CACNA1C: variants seen among roughly 807,000 people sequenced by gnomAD.
CACNA1C encodes the protein voltage-dependent L-type calcium channel subunit alpha-1C.
Under a neutral mutation model 229.0 loss-of-function variants are expected in CACNA1C, and 30 were observed. The observed-to-expected ratio is 0.13, with a 90% confidence interval of 0.10 to 0.18. The LOEUF (loss-of-function observed/expected upper bound fraction) is 0.18, where lower values mean the gene tolerates loss of function less well. Ranked by LOEUF, CACNA1C falls within the 10% of genes least tolerant of loss-of-function variation. The probability of loss-of-function intolerance (pLI) is 1.00; values close to 1 mark genes in which losing one functional copy is unlikely to be tolerated. For synonymous variants in CACNA1C, 1,114 were observed against 1,132.5 expected, an observed-to-expected ratio of 0.98 and a Z score of 0.33; for missense variants, 1,658 against 2,845.0, an observed-to-expected ratio of 0.58 and a Z score of 9.49.
intron 5 of CACNA1C, among the ~76,000 whole-genome samples, chr12:2,461,962 T>C (rs2099508621): frequency 6.6e-6 from 1 of 152,156 alleles, no homozygotes; most frequent in Admixed American, 6.5e-5. Context: ...AGTCGGATCA[T>C]GTTCCTGCCC....
chr12:2,332,182 G>A (rs985597980), intron 3 of CACNA1C, among the ~76,000 whole-genome samples: 2 of 152,184 alleles, frequency 1.3e-5, no homozygotes, highest in South Asian at 2.1e-4. Flanking sequence ...GTGTGTTTAT[G>A]TATGTGTATG....
intron 7 of CACNA1C, among the ~76,000 whole-genome samples, chr12:2,499,096 G>A (rs920157682): frequency 6.6e-6 from 1 of 152,178 alleles, no homozygotes; most frequent in African/African-American, 2.4e-5. Context: ...CAGGGGTGGG[G>A]AGCAGCCAGG....
intron 3 of CACNA1C, among the ~76,000 whole-genome samples, chr12:2,194,380 T>C (rs7308351): frequency 0.34 from 49,277 of 145,556 alleles, 8,784 homozygotes; most frequent in South Asian, 0.4. Context: ...CCCCTTCCCC[T>C]TCCTGCTCCC....
At chr12:2,537,899 G>A (rs987255426) in intron 9 of CACNA1C, among the ~76,000 whole-genome samples, 5 of 152,032 alleles carry the variant, frequency 3.3e-5, no homozygotes, top group Non-Finnish European at 7.4e-5. Context: ...GTGGGGTGGG[G>A]GTGGGAGAGG....
chr12:2,435,598 C>T (rs1370030089), intron 3 of CACNA1C, among the ~76,000 whole-genome samples: 2 of 152,158 alleles, frequency 1.3e-5, no homozygotes, highest in Admixed American at 6.5e-5. Flanking sequence ...GGAGTTGCAC[C>T]CCGAGTGCTG....
chr12:2,481,020 A>C (rs1170020104), intron 5 of CACNA1C, among the ~76,000 whole-genome samples: 2 of 152,214 alleles, frequency 1.3e-5, no homozygotes, highest in South Asian at 2.1e-4. Flanking sequence ...TTACATGAAA[A>C]GAATAGAGTC....
chr12:2,344,519 T>A (rs2096953496), intron 3 of CACNA1C, among the ~76,000 whole-genome samples: 1 of 152,178 alleles, frequency 6.6e-6, no homozygotes, highest in Non-Finnish European at 1.5e-5. Context: ...AAAACATTTA[T>A]GTTCAACTGC....
Position 2,511,934 on chromosome 12 carries a change from A to C in CACNA1C, c.1218-878A>C, listed in dbSNP as rs977503033. The stretch of plus-strand genomic sequence containing the variant: ...ATCATTTAACTTTTATATCATCTTG[A>C]TTTTATGTATTTTTCTATTCTGATT... On this transcript the variant is annotated intron_variant, in intron 8 of 46. Transcript: ENST00000399655. Among the ~76,000 whole-genome samples the C allele has an allele frequency of 9.2e-5, 14 of 151,996 alleles. 1 individual carries two copies. Among genetic ancestry groups the C allele is most frequent in the African/African-American group, 3.1e-4 (13 of 41,386 alleles).
chr12:2,065,109 G>T (rs1250082526), intron 1 of CACNA1C, among the ~76,000 whole-genome samples: 1 of 152,220 alleles, frequency 6.6e-6, no homozygotes, highest in Non-Finnish European at 1.5e-5. Flanking sequence ...GAGCTGGAAT[G>T]TTGCACAGCA....
chr12:2,458,981 C>CTT (rs71057826), intron 5 of CACNA1C, among the ~76,000 whole-genome samples: 1,699 of 105,600 alleles, frequency 0.016, 68 homozygotes, highest in African/African-American at 0.05. Context: ...CTTTTTCTTT[C>CTT]TTTTTTTTTT....
At chr12:2,531,755 C>G (rs769524165) in intron 9 of CACNA1C, among the ~76,000 whole-genome samples, 7 of 152,152 alleles carry the variant, frequency 4.6e-5, no homozygotes, top group Non-Finnish European at 8.8e-5. Flanking sequence ...GAGCCACTAC[C>G]CTGACAATGT....
intron 34 of CACNA1C, 32 bp from the exon 35 acceptor site, chr12:2,664,793 G>A (rs2095984156): frequency 1.3e-6 from 2 of 1,528,970 alleles, no homozygotes; most frequent in South Asian, 1.2e-5. Flanking sequence ...TGTAGGATGG[G>A]CTGCATGAAC....
intron 5 of CACNA1C, among the ~76,000 whole-genome samples, chr12:2,474,304 A>G (rs750651170): frequency 6.6e-6 from 1 of 152,180 alleles, no homozygotes; most frequent in African/African-American, 2.4e-5. Context: ...CTTCACTCCA[A>G]GAGGCTCTGT....
intron 1 of CACNA1C, among the ~76,000 whole-genome samples, chr12:2,024,667 G>A (rs1470091032): frequency 6.6e-6 from 1 of 152,232 alleles, no homozygotes; most frequent in Non-Finnish European, 1.5e-5. Flanking sequence ...ATGTGGGAGA[G>A]TGGATACTGG....
chr12:2,626,689 T>C (rs138760511), intron 29 of CACNA1C, among the ~76,000 whole-genome samples: 53 of 152,198 alleles, frequency 3.5e-4, no homozygotes, highest in African/African-American at 1.3e-3. Context: ...GAAGCAGCTA[T>C]TGGGATCCCC....
rs966508753 is a variant in CACNA1C at position 2,565,433 on chromosome 12, G to C, written c.1509-989G>C. Among the ~76,000 whole-genome samples, 5 of 143,484 alleles carry C rather than the reference G, an allele frequency of 3.5e-5. No individual in the cohort carries two copies. The Admixed American group carries it at 3.6e-4, about 10-fold the overall frequency. The allele number at this position is 143,484 out of a possible 152,430, so 94.1% of individuals were successfully genotyped here. A position where few individuals can be genotyped will look rare whatever the true frequency, so the allele number is the denominator to read the frequency against. On this transcript the variant is annotated intron_variant, in intron 11 of 46. Transcript: ENST00000399655. Reference sequence around the variant, plus strand: ...AGTGAGCCGAGATTGCGCCACTGCAGTCCGCAGTCCGGCCTGGGCGACAGA... The same window carrying C: ...AGTGAGCCGAGATTGCGCCACTGCACTCCGCAGTCCGGCCTGGGCGACAGA...
rs529046008 is a variant in CACNA1C, at chr12:2,537,302, C to T, written c.1391-12641C>T. ...GGGTTCAAATCCTGAATCTTATTGG[C>T]GCTTGCTTGGAGTAAACGACTGAAT... On this transcript the variant is annotated intron_variant, in intron 9 of 46. Coordinates refer to ENST00000399655, the MANE Select transcript of CACNA1C (RefSeq NM_000719.7). Among the ~76,000 whole-genome samples, 34 of 152,338 alleles carry T rather than the reference C, an allele frequency of 2.2e-4. No individual in the cohort carries two copies. In the South Asian group the frequency reaches 6.0e-3, roughly 27 times the overall value.
chr12:2,464,744 A>G (rs73042174), intron 5 of CACNA1C, among the ~76,000 whole-genome samples: 9,704 of 152,338 alleles, frequency 0.064, 413 homozygotes, highest in Middle Eastern at 0.17. Flanking sequence ...CTCGCTATTA[A>G]ACGGAAGTTT....
intron 9 of CACNA1C, among the ~76,000 whole-genome samples, chr12:2,533,722 A>G (rs780665897): frequency 6.6e-6 from 1 of 152,204 alleles, no homozygotes; most frequent in Non-Finnish European, 1.5e-5. Context: ...TCCCAGGAGC[A>G]CATGTCAAAA....
Sources: gnomAD v4.1 joint callset for allele counts (sites outside exome capture counted in the v4.1 genomes callset) on GRCh38, gnomAD v4.1.1 for gene constraint, MANE v1.5 for transcripts, NCBI Gene and HGNC (gene_info 2026-07-23, HGNC 2026-07-21) for gene names.